Variants in ZFP90 observed in about 807,000 individuals in gnomAD.
ZFP90 encodes the protein zinc finger protein 90 homolog.
A neutral mutation model predicts 60.8 loss-of-function variants in ZFP90; 38 were observed. The observed-to-expected ratio is 0.62, with a 90% CI of 0.48 to 0.82. ZFP90 has a LOEUF of 0.82. Ranked by LOEUF, ZFP90 falls within the 40% of genes least tolerant of loss-of-function variation. The pLI is 0.00. For synonymous variants in ZFP90, 287 were observed against 264.8 expected (o/e 1.08, Z -0.82); for missense variants, 711 against 759.1 (o/e 0.94, Z 0.74).
intron 2 of ZFP90, chr16:68,555,155 C>T (rs550781044): frequency 1.3e-5 from 2 of 152,374 alleles, no homozygotes; most frequent in East Asian, 3.9e-4. Flanking sequence ...CTTTGAGCGC[C>T]TGCAGCACCT....
intron 4 of ZFP90, chr16:68,562,001 CAT>C (rs934786628): frequency 1.3e-5 from 2 of 152,136 alleles, no homozygotes; most frequent in South Asian, 2.1e-4. Flanking sequence ...GCTTTGTTAA[CAT>C]GTGTTTTATT....
chr16:68,540,544 G>A (rs970839097), intron 2 of ZFP90, among the ~76,000 whole-genome samples: 1 of 152,078 alleles, frequency 6.6e-6, no homozygotes, highest in Non-Finnish European at 1.5e-5. Flanking sequence ...GTTATCCATT[G>A]ATTTACATAT....
upstream of ZFP90, among the ~76,000 whole-genome samples, chr16:68,539,024 G>A (rs2090985299): frequency 6.6e-6 from 1 of 152,194 alleles, no homozygotes; most frequent in Non-Finnish European, 1.5e-5. Flanking sequence ...AGGGGCGTAC[G>A]ATTGCTCCCC....
In ZFP90 at chr16:68,564,840, G is replaced by T; in HGVS notation, c.*142G>T. On this transcript the variant is annotated 3_prime_UTR_variant, in exon 5 of 5. Coordinates refer to ENST00000563169, the MANE Select transcript of ZFP90 (RefSeq NM_001305203.2). ...GTGTGGAGAAAACTGCCAGTAGACA[G>T]ATTTTTTTTTTTTAACATAAAGACA... 2 of 814,092 alleles carry T rather than the reference G, an allele frequency of 2.5e-6. No individual in the cohort carries two copies. Among genetic ancestry groups the T allele is most frequent in the Non-Finnish European group, 1.6e-6 (1 of 616,710 alleles). 50.4% of individuals were successfully genotyped at this position (814,092 alleles called of 1,614,324 possible).
upstream of ZFP90, among the ~76,000 whole-genome samples, chr16:68,536,502 C>T (rs2090961432): frequency 6.6e-6 from 1 of 152,064 alleles, no homozygotes; most frequent in Non-Finnish European, 1.5e-5. Flanking sequence ...CAAGGTCTCA[C>T]TATGTTGACC....
At chr16:68,572,579 G>A (rs1477835766) in intron 2 of ZFP90, among the ~76,000 whole-genome samples, 5 of 152,328 alleles carry the variant, frequency 3.3e-5, no homozygotes, top group Non-Finnish European at 5.9e-5. Flanking sequence ...TAAAAACCAT[G>A]TAAGGAGGTT....
At chr16:68,546,352 C>T (rs969033456) in intron 2 of ZFP90, among the ~76,000 whole-genome samples, 2 of 152,068 alleles carry the variant, frequency 1.3e-5, no homozygotes, top group Non-Finnish European at 2.9e-5. Context: ...CACCACTACC[C>T]ATCTTCAAAA....
At position 68,563,449 on chromosome 16, in the gene ZFP90, T is replaced by C. The variant is rs1249623450; in HGVS notation, c.662T>C (p.Ile221Thr). The change falls in exon 5 of 5, where the codon ATT becomes ACT. Residue 221 changes from isoleucine (I) to threonine (T), a missense_variant. This residue lies in a region of ZFP90 where 241 missense variants were observed against 247.6 expected (regional missense o/e 0.97). Transcript: ENST00000563169. ...TGTGATAAATGTAGAAAAGCCTTTA[T>C]TCATAGATCATCGCTTACTAAACAT... ...YKCDKCRKAF[I>T]HRSSLTKHEK... The C allele has an allele frequency of 1.2e-6, 2 of 1,613,948 alleles. No homozygotes were observed. The highest frequency in any genetic ancestry group is 1.7e-6 in the Non-Finnish European group (2 of 1,180,030).
At chr16:68,546,046 A>G (rs1232689482) in intron 2 of ZFP90, among the ~76,000 whole-genome samples, 8 of 151,978 alleles carry the variant, frequency 5.3e-5, no homozygotes, top group Admixed American at 5.2e-4. Context: ...GTGGAGGCAC[A>G]CGCCTGTAAT....
chr16:68,556,922 C>T (rs756151224), intron 2 of ZFP90, among the ~76,000 whole-genome samples: 6 of 152,108 alleles, frequency 3.9e-5, no homozygotes, highest in African/African-American at 1.4e-4. Context: ...GGGCTGGGAA[C>T]AAGTTTGATG....
chr16:68,562,128 G>T (rs560717841), intron 4 of ZFP90: 1 of 152,048 alleles, frequency 6.6e-6, no homozygotes, highest in Admixed American at 6.6e-5. Context: ...TATGTATGTC[G>T]TTAACTAGAA....
chr16:68,571,209 T>C (rs1372391533), downstream of ZFP90, among the ~76,000 whole-genome samples: 1 of 152,126 alleles, frequency 6.6e-6, no homozygotes, highest in African/African-American at 2.4e-5. Context: ...GGAAGGGAAA[T>C]AGGTGTTTCT....
intron 3 of ZFP90, 131 bp from the exon 4 acceptor site, chr16:68,558,342 G>A (rs766489176): frequency 1.8e-6 from 2 of 1,096,966 alleles, no homozygotes; most frequent in South Asian, 1.3e-5. Flanking sequence ...TTGATTGCAT[G>A]ACTCCTTAAG....
At chr16:68,544,907 G>T (rs2091119457) in intron 2 of ZFP90, among the ~76,000 whole-genome samples, 1 of 104,492 alleles carries the variant, frequency 9.6e-6, no homozygotes. Flanking sequence ...TTTTTGAGAT[G>T]GAGTCTCATT....
chr16:68,555,561 T>G (rs2091330094), intron 2 of ZFP90, among the ~76,000 whole-genome samples: 1 of 152,228 alleles, frequency 6.6e-6, no homozygotes, highest in South Asian at 2.1e-4. Context: ...GTCAGGTACT[T>G]GCTGGACAAT....
At chr16:68,572,247 A>C (rs1041079329) in intron 2 of ZFP90, among the ~76,000 whole-genome samples, 1 of 152,046 alleles carries the variant, frequency 6.6e-6, no homozygotes, top group African/African-American at 2.4e-5. Context: ...TGGATAAAGG[A>C]GTCAAGAAAT....
At chr16:68,567,970 TGGTTA>T (rs1270233853), downstream of ZFP90, among the ~76,000 whole-genome samples, 3 of 152,120 alleles carry the variant, frequency 2.0e-5, no homozygotes, top group African/African-American at 7.2e-5. Context: ...AATACTAAGG[TGGTTA>T]ATTCCTACTC....
At chr16:68,568,688 A>G (rs1384461369), downstream of ZFP90, among the ~76,000 whole-genome samples, 3 of 152,144 alleles carry the variant, frequency 2.0e-5, no homozygotes, top group Non-Finnish European at 4.4e-5. Context: ...GTCATGGCAT[A>G]TTCTTTTTGA....
chr16:68,539,627 CCCGGGCTGGTTCCACGGT>C, intron 1 of ZFP90, 113 bp from the exon 2 acceptor site: 1 of 694,960 alleles, frequency 1.4e-6, no homozygotes, highest in Non-Finnish European at 2.2e-6. Flanking sequence ...GAGCGGCAGG[CCCGGGCTGGTTCCACGGT>C]CCTCGCCACC....
Sources: allele counts gnomAD v4.1 joint callset (sites outside exome capture counted in the v4.1 genomes callset), GRCh38; gene constraint gnomAD v4.1.1; regional missense constraint gnomAD v4.1.1; transcripts MANE v1.5; gene names NCBI Gene and HGNC (gene_info 2026-07-23, HGNC 2026-07-21).